The following PTPRT variants were observed in gnomAD, a reference collection of about 807,000 sequenced individuals.
The protein encoded by PTPRT is receptor-type tyrosine-protein phosphatase T.
In PTPRT, 56 loss-of-function variants were observed where a neutral mutation model predicts 176.8. That is an observed-to-expected ratio of 0.32 (90% CI 0.26 to 0.40). The LOEUF (loss-of-function observed/expected upper bound fraction) is 0.40, where lower values mean the gene tolerates loss of function less well. Ranked by LOEUF, PTPRT falls within the 10% of genes least tolerant of loss-of-function variation. The pLI, the probability that PTPRT is intolerant of heterozygous loss-of-function variation, is 1.00. For synonymous variants in PTPRT, 783 were observed against 739.0 expected, an observed-to-expected ratio of 1.06 and a Z score of -0.96; for missense variants, 1,540 against 1,908.2, an observed-to-expected ratio of 0.81 and a Z score of 3.60.
intron 13 of PTPRT, among the ~76,000 whole-genome samples, chr20:42,250,386 C>T (rs1051787051): frequency 3.3e-5 from 5 of 152,176 alleles, no homozygotes; most frequent in Non-Finnish European, 7.3e-5. Context: ...GTCATTTATT[C>T]ATAGAACTCA....
intron 15 of PTPRT, among the ~76,000 whole-genome samples, chr20:42,229,585 C>T (rs1385567456): frequency 1.3e-5 from 2 of 152,172 alleles, no homozygotes; most frequent in African/African-American, 2.4e-5. Context: ...TGTGAAAAGG[C>T]ATTTGCCTTT....
At chr20:43,100,887 T>C (rs1472038870) in intron 1 of PTPRT, among the ~76,000 whole-genome samples, 3 of 151,166 alleles carry the variant, frequency 2.0e-5, no homozygotes, top group Non-Finnish European at 4.4e-5. Flanking sequence ...CTTGTGCACA[T>C]GTGTGGGGCT....
intron 9 of PTPRT, among the ~76,000 whole-genome samples, chr20:42,419,652 C>A (rs752949078): frequency 1.3e-5 from 2 of 152,094 alleles, no homozygotes; most frequent in Non-Finnish European, 2.9e-5. Context: ...CTAGGATTTC[C>A]TCTCCTCCAG....
intron 7 of PTPRT, among the ~76,000 whole-genome samples, chr20:42,600,799 T>A (rs1453081310): frequency 6.6e-6 from 1 of 152,214 alleles, no homozygotes; most frequent in Non-Finnish European, 1.5e-5. Flanking sequence ...TATTCTTTTA[T>A]GGCCGAATAG....
At chr20:42,959,795 T>C (rs1392885301) in intron 1 of PTPRT, among the ~76,000 whole-genome samples, 1 of 152,168 alleles carries the variant, frequency 6.6e-6, no homozygotes, top group African/African-American at 2.4e-5. Flanking sequence ...CAGCTGACAC[T>C]GGCTGCAACT....
chr20:43,021,103 T>C (rs1470556882), intron 1 of PTPRT, among the ~76,000 whole-genome samples: 1 of 152,172 alleles, frequency 6.6e-6, no homozygotes, highest in Non-Finnish European at 1.5e-5. Context: ...AATTATCATG[T>C]GTATCCTCCC....
chr20:42,669,751 C>A (rs147854871), intron 7 of PTPRT, among the ~76,000 whole-genome samples: 30 of 152,164 alleles, frequency 2.0e-4, no homozygotes, highest in Non-Finnish European at 4.3e-4. Context: ...CCTGAAAGAC[C>A]CTTGCCTGTG....
intron 7 of PTPRT, among the ~76,000 whole-genome samples, chr20:42,553,671 A>T (rs6016824): frequency 6.6e-6 from 1 of 151,746 alleles, no homozygotes; most frequent in Non-Finnish European, 1.5e-5. Flanking sequence ...ACTTTTACAC[A>T]CACCTTTTTA....
chr20:42,228,089 G>A (rs1377340713), intron 15 of PTPRT, among the ~76,000 whole-genome samples: 1 of 152,214 alleles, frequency 6.6e-6, no homozygotes, highest in Non-Finnish European at 1.5e-5. Context: ...GTCACAGACA[G>A]TCTTTTCTAA....
intron 7 of PTPRT, among the ~76,000 whole-genome samples, chr20:42,540,200 G>C (rs2072553181): frequency 6.6e-6 from 1 of 152,156 alleles, no homozygotes; most frequent in Non-Finnish European, 1.5e-5. Flanking sequence ...AATGGCTTTA[G>C]CTTTCTCAAA....
chr20:42,923,638 T>C (rs555499131), intron 1 of PTPRT, among the ~76,000 whole-genome samples: 1 of 152,304 alleles, frequency 6.6e-6, no homozygotes, highest in East Asian at 1.9e-4. Flanking sequence ...AACCAGAGCC[T>C]GAACAGGGCA....
At chr20:42,553,224 T>C (rs765633577) in intron 7 of PTPRT, among the ~76,000 whole-genome samples, 28 of 151,418 alleles carry the variant, frequency 1.8e-4, no homozygotes, top group Admixed American at 3.9e-4. Context: ...CCCAAAAGAG[T>C]TCTTTAAATT....
intron 1 of PTPRT, among the ~76,000 whole-genome samples, chr20:42,986,953 C>T (rs1260636531): frequency 6.6e-6 from 1 of 152,140 alleles, no homozygotes; most frequent in Non-Finnish European, 1.5e-5. Flanking sequence ...AGGCCACATC[C>T]CTGCATCAGG....
chr20:42,625,592 C>T (rs1032192985), intron 7 of PTPRT, among the ~76,000 whole-genome samples: 21 of 152,054 alleles, frequency 1.4e-4, no homozygotes, highest in East Asian at 5.8e-4. Context: ...TGGGGCTATG[C>T]CACATCTCAA....
At chr20:43,177,884 A>G (rs571305890) in intron 1 of PTPRT, among the ~76,000 whole-genome samples, 1 of 152,224 alleles carries the variant, frequency 6.6e-6, no homozygotes, top group East Asian at 1.9e-4. Context: ...GTTCAAATTA[A>G]TTGCACTTTT....
intron 1 of PTPRT, among the ~76,000 whole-genome samples, chr20:42,966,650 T>C (rs781582068): frequency 2.4e-4 from 37 of 152,182 alleles, no homozygotes; most frequent in Non-Finnish European, 4.4e-4. Flanking sequence ...AGCAATCACA[T>C]GTGAACCACA....
intron 1 of PTPRT, among the ~76,000 whole-genome samples, chr20:42,940,015 C>G (rs1309598099): frequency 6.6e-6 from 1 of 152,146 alleles, no homozygotes; most frequent in Admixed American, 6.5e-5. Context: ...TATTGAGTGT[C>G]TAGTGTGTGT....
intron 1 of PTPRT, among the ~76,000 whole-genome samples, chr20:42,978,222 A>C (rs924770998): frequency 7.9e-5 from 12 of 152,360 alleles, no homozygotes; most frequent in Non-Finnish European, 4.4e-5. Flanking sequence ...ATAACTAATA[A>C]TAAAGTAGAA....
chr20:43,060,941 C>T (rs76888805), intron 1 of PTPRT, among the ~76,000 whole-genome samples: 14,259 of 152,102 alleles, frequency 0.094, 762 homozygotes, highest in Middle Eastern at 0.14. Flanking sequence ...AACTTTCTAA[C>T]CCATATATTT....
Sources: gnomAD v4.1 joint callset for allele counts (sites outside exome capture counted in the v4.1 genomes callset) on GRCh38, gnomAD v4.1.1 for gene constraint, MANE v1.5 for transcripts, NCBI Gene and HGNC (gene_info 2026-07-23, HGNC 2026-07-21) for gene names.